Variants in RAB3GAP1 observed in about 807,000 individuals in gnomAD.
The protein encoded by RAB3GAP1 is RAB3 GTPase activating protein catalytic subunit 1.
Under a neutral mutation model 130.7 loss-of-function variants are expected in RAB3GAP1, and 86 were observed. The observed-to-expected ratio is 0.66, with a 90% CI of 0.55 to 0.79. The LOEUF (loss-of-function observed/expected upper bound fraction) is 0.79. RAB3GAP1 is among the 30% of genes least tolerant of loss of function. RAB3GAP1 has a pLI of 0.00. For synonymous variants in RAB3GAP1, 367 were observed against 401.7 expected, an observed-to-expected ratio of 0.91 and a Z score of 1.03; for missense variants, 1,029 against 1,169.4, an observed-to-expected ratio of 0.88 and a Z score of 1.75.
At chr2:135,098,360 T>A (rs927706143) in intron 5 of RAB3GAP1, among the ~76,000 whole-genome samples, 4 of 152,196 alleles carry the variant, frequency 2.6e-5, no homozygotes, top group African/African-American at 9.6e-5. Flanking sequence ...CAGATAAGAC[T>A]GTAACTTATC....
intron 2 of RAB3GAP1, among the ~76,000 whole-genome samples, chr2:135,056,301 C>T (rs952896899): frequency 2.6e-5 from 4 of 151,950 alleles, no homozygotes; most frequent in African/African-American, 9.7e-5. Flanking sequence ...CACCTGGGTT[C>T]AACCAATTCT....
intron 13 of RAB3GAP1, among the ~76,000 whole-genome samples, chr2:135,132,077 C>G (rs1336486648): frequency 6.6e-6 from 1 of 152,150 alleles, no homozygotes; most frequent in Non-Finnish European, 1.5e-5. Flanking sequence ...GTAATTGTGC[C>G]TTATGGCACT....
intron 3 of RAB3GAP1, among the ~76,000 whole-genome samples, chr2:135,071,961 G>A (rs1189915924): frequency 6.6e-6 from 1 of 152,130 alleles, no homozygotes; most frequent in Admixed American, 6.5e-5. Flanking sequence ...CGCCCAGGCT[G>A]GAATCTAGTA....
chr2:135,144,324 C>T (rs1026051215), intron 17 of RAB3GAP1, among the ~76,000 whole-genome samples: 2 of 150,742 alleles, frequency 1.3e-5, no homozygotes, highest in Non-Finnish European at 2.9e-5. Flanking sequence ...CACCTGAAGT[C>T]GGGTGGTTTC....
At position 135,120,861 on chromosome 2, in the gene RAB3GAP1, C is replaced by G. The variant is rs1310680343; in HGVS notation, c.691C>G (p.Arg231Gly). 2 of 1,613,198 alleles carry G rather than the reference C, an allele frequency of 1.2e-6. No individual in the cohort carries two copies. Among genetic ancestry groups the G allele is most frequent in the Non-Finnish European group, 1.7e-6 (2 of 1,179,256 alleles). ...TPLPPVSIAI[R>G]FTYVLQDWQQ... ...ATTGCCTCCAGTTAGTATTGCTATT[C>G]GATTTACCTATGTACTTCAAGATTG... Residue 231 changes from arginine (R) to glycine (G), a missense_variant, in exon 8 of 24, where the codon CGA (arginine) becomes GGA (glycine). Physicochemically the swap from Arg to Gly is moderately radical, Grantham distance 125. This residue lies in a region of RAB3GAP1 where 510 missense variants were observed against 532.1 expected (regional missense o/e 0.96). Coordinates refer to ENST00000264158, the MANE Select transcript of RAB3GAP1 (RefSeq NM_012233.3).
intron 5 of RAB3GAP1, among the ~76,000 whole-genome samples, chr2:135,096,604 A>G (rs1473693784): frequency 2.6e-5 from 4 of 152,220 alleles, no homozygotes; most frequent in African/African-American, 9.6e-5. Flanking sequence ...GCAGCATAGT[A>G]TCAGAGCATG....
intron 7 of RAB3GAP1, among the ~76,000 whole-genome samples, chr2:135,118,267 T>G (rs1457159952): frequency 1.3e-5 from 2 of 151,828 alleles, no homozygotes; most frequent in African/African-American, 4.8e-5. Flanking sequence ...TGGCTATTTA[T>G]TAGCAGTAGT....
chr2:135,168,562 A>T lies in RAB3GAP1; in HGVS notation c.2727A>T (p.Pro909=). The change falls in exon 24 of 24, where the codon CCA becomes CCT. Residue 909 remains proline (P), a synonymous_variant. Coordinates refer to ENST00000264158, the MANE Select transcript of RAB3GAP1 (RefSeq NM_012233.3). The part of the protein sequence containing the change: ...VNAQRAAAMT[P]PEEELKRMGS... ...TTTTCCAGGCTGCAGCTATGACTCC[A>T]CCAGAGGAGGAATTGAAGAGAATGG... The T allele has an allele frequency of 1.2e-6, 2 of 1,613,768 alleles. No individual in the cohort carries two copies. The highest frequency in any genetic ancestry group is 1.7e-6 in the Non-Finnish European group (2 of 1,179,662).
intron 11 of RAB3GAP1, among the ~76,000 whole-genome samples, 171 bp from the exon 12 acceptor site, chr2:135,129,824 G>A (rs1055887049): frequency 6.6e-6 from 1 of 152,008 alleles, no homozygotes; most frequent in African/African-American, 2.4e-5. Context: ...AAAGAACAAG[G>A]CTACCTTTGA....
intron 6 of RAB3GAP1, among the ~76,000 whole-genome samples, chr2:135,114,713 A>G (rs1690915046): frequency 6.6e-6 from 1 of 152,266 alleles, no homozygotes; most frequent in East Asian, 1.9e-4. Flanking sequence ...GCCAAAAGCA[A>G]TGTAACTTGT....
chr2:135,129,864 G>T, intron 11 of RAB3GAP1, 131 bp from the exon 12 acceptor site: 1 of 681,114 alleles, frequency 1.5e-6, no homozygotes, highest in Non-Finnish European at 2.5e-6. Flanking sequence ...TTTTTCAATG[G>T]AAAAACTGAA....
chr2:135,130,548 A>G lies in RAB3GAP1; in HGVS notation c.1067-4A>G. Reference sequence around the variant, plus strand: ...ATTTATATTTATTTCTGTTCTTTTTATAGAAACTGCTGATATAACTCATGC... The same window carrying G: ...ATTTATATTTATTTCTGTTCTTTTTGTAGAAACTGCTGATATAACTCATGC... On this transcript the variant is annotated splice_region_variant and splice_polypyrimidine_tract_variant and intron_variant, in intron 12 of 23. Coordinates refer to ENST00000264158, the MANE Select transcript of RAB3GAP1 (RefSeq NM_012233.3). 1 of 1,610,234 alleles carries G rather than the reference A, an allele frequency of 6.2e-7. No homozygotes were observed. The highest frequency in any genetic ancestry group is 8.5e-7 in the Non-Finnish European group (1 of 1,177,360).
Position 135,168,858 on chromosome 2 carries a change from C to T in RAB3GAP1, c.*77C>T. 7.8e-7 allele frequency: 1 copy of T among 1,276,394 alleles called. No homozygotes were observed. The highest frequency in any genetic ancestry group is 1.7e-5 in the Admixed American group (1 of 59,536). The allele number at this position is 1,276,394 out of a possible 1,614,324, so 79.1% of individuals were successfully genotyped here. On this transcript the variant is annotated 3_prime_UTR_variant, in exon 24 of 24. Transcript: ENST00000264158. ...GAGGGAGGGAAGGTACCAGGGAGAACCTGGGAGGTCCTGGAGAGGGCCCTG... is the reference window on the plus strand; with the variant it reads ...GAGGGAGGGAAGGTACCAGGGAGAATCTGGGAGGTCCTGGAGAGGGCCCTG...
rs1690211704 is a variant in RAB3GAP1, at chr2:135,093,683, C to T, written c.352C>T (p.Leu118=). 6.2e-7 allele frequency: 1 copy of T among 1,610,634 alleles called. No individual in the cohort carries two copies. Among genetic ancestry groups the T allele is most frequent in the South Asian group, 1.1e-5 (1 of 91,008 alleles). The stretch of plus-strand genomic sequence containing the variant: ...TGACTTTCCTCCAAGAGCACATTGC[C>T]TGGTAAGATGGTAGGTATATCTTTT... The part of the protein sequence containing the change: ...NNDFPPRAHC[L]VRWYGLREFV... Residue 118 remains leucine (L), a synonymous_variant, in exon 5 of 24, where the codon CTG becomes TTG. Transcript: ENST00000264158.
chr2:135,060,291 G>A (rs958778748), intron 3 of RAB3GAP1, among the ~76,000 whole-genome samples: 10 of 127,326 alleles, frequency 7.9e-5, no homozygotes, highest in East Asian at 2.2e-4. Flanking sequence ...ACCGAGTCTC[G>A]CTCTGTTGCC....
Position 135,115,242 on chromosome 2 carries a change from A to C in RAB3GAP1, c.509A>C (p.His170Pro). The C allele has an allele frequency of 1.2e-6, 2 of 1,612,028 alleles. No homozygotes were observed. Among genetic ancestry groups the C allele is most frequent in the Non-Finnish European group, 1.7e-6 (2 of 1,178,160 alleles). The part of the protein sequence containing the change: ...GCQVPLFVQI[H>P]HKWRRMYVGE... ...CAGGTGCCACTCTTTGTGCAAATTC[A>C]CCACAAATGGCGAAGAATGTATGTA... The change falls in exon 7 of 24, where the codon CAC becomes CCC. Residue 170 changes from histidine (H) to proline (P), a missense_variant. Physicochemically the swap from His to Pro is moderately conservative, Grantham distance 77. Coordinates refer to ENST00000264158, the MANE Select transcript of RAB3GAP1 (RefSeq NM_012233.3).
At chr2:135,065,885 C>A (rs1338774392) in intron 3 of RAB3GAP1, among the ~76,000 whole-genome samples, 1 of 151,676 alleles carries the variant, frequency 6.6e-6, no homozygotes, top group African/African-American at 2.4e-5. Flanking sequence ...ATTCTCCTGC[C>A]TCAGCCTCCT....
Position 135,091,106 on chromosome 2 carries a change from GAAGGA to G in RAB3GAP1, c.265_269del (p.Lys89Ter), listed in dbSNP as rs1471200410. 6.3e-7 allele frequency: 1 copy of G among 1,597,452 alleles called. No individual in the cohort carries two copies. The highest frequency in any genetic ancestry group is 8.6e-7 in the Non-Finnish European group (1 of 1,165,176). On this transcript the variant is annotated frameshift_variant, in exon 4 of 24. Transcript: ENST00000264158. LOFTEE classifies it high-confidence loss of function. ...TCTTGTACAAGAGTCCACTGATAAA[GAAGGA>G]AAGGATGAGTTATTAGAGGGTAAGT... is the stretch of plus-strand genomic sequence containing the variant.
intron 17 of RAB3GAP1, among the ~76,000 whole-genome samples, chr2:135,138,845 G>A (rs1345497774): frequency 1.3e-5 from 2 of 152,060 alleles, no homozygotes; most frequent in Admixed American, 6.6e-5. Flanking sequence ...CTAAACTCCT[G>A]ACCTCAAGCA....
Sources: allele counts gnomAD v4.1 joint callset (sites outside exome capture counted in the v4.1 genomes callset), GRCh38; gene constraint gnomAD v4.1.1; regional missense constraint gnomAD v4.1.1; transcripts MANE v1.5; gene names NCBI Gene and HGNC (gene_info 2026-07-23, HGNC 2026-07-21).